MAGI1: variants seen among roughly 807,000 people sequenced by gnomAD.
The protein encoded by MAGI1 is membrane-associated guanylate kinase, WW and PDZ domain-containing protein 1.
Under a neutral mutation model 139.9 loss-of-function variants are expected in MAGI1, and 58 were observed. The ratio of observed to expected loss-of-function variants is 0.41; its 90% CI spans 0.34 to 0.52. The LOEUF (loss-of-function observed/expected upper bound fraction) is 0.52, where lower values mean the gene tolerates loss of function less well. MAGI1 is among the 20% of genes least tolerant of loss of function. The pLI is 0.12. For synonymous variants in MAGI1, 812 were observed against 737.9 expected (o/e 1.10, Z -1.63); for missense variants, 1,874 against 1,901.6 (o/e 0.99, Z 0.27).
At chr3:65,570,073 C>CATTATTATTATT (rs57902043) in intron 2 of MAGI1, among the ~76,000 whole-genome samples, 2 of 136,364 alleles carry the variant, frequency 1.5e-5, no homozygotes, top group Non-Finnish European at 1.6e-5. Context: ...TCTTTATTAT[C>CATTATTATTATT]ATTATTATTA....
intron 5 of MAGI1, among the ~76,000 whole-genome samples, chr3:65,462,159 T>C (rs900726452): frequency 3.9e-5 from 6 of 152,192 alleles, no homozygotes; most frequent in Non-Finnish European, 1.5e-5. Context: ...TTTGTTGCCA[T>C]TGCTTTTGGT....
At chr3:65,941,983 C>T (rs994152779) in intron 1 of MAGI1, among the ~76,000 whole-genome samples, 3 of 152,094 alleles carry the variant, frequency 2.0e-5, no homozygotes, top group Admixed American at 2.0e-4. Flanking sequence ...ACAGGGGTTT[C>T]GCCGTGTTGC....
At chr3:65,750,191 C>A (rs2036030397) in intron 1 of MAGI1, among the ~76,000 whole-genome samples, 1 of 152,074 alleles carries the variant, frequency 6.6e-6, no homozygotes, top group African/African-American at 2.4e-5. Flanking sequence ...GTTTGGGACC[C>A]CAAAGCAACC....
intron 1 of MAGI1, among the ~76,000 whole-genome samples, chr3:65,655,653 C>T (rs1052741354): frequency 1.3e-5 from 2 of 152,150 alleles, no homozygotes; most frequent in South Asian, 2.1e-4. Flanking sequence ...CAGTCCTCAC[C>T]ACTCTTTGAT....
intron 1 of MAGI1, among the ~76,000 whole-genome samples, chr3:65,998,036 G>A (rs2066546521): frequency 6.6e-6 from 1 of 151,124 alleles, no homozygotes; most frequent in Admixed American, 6.6e-5. Flanking sequence ...CCGGGAGGCA[G>A]AGGTTGCAGT....
chr3:65,660,926 C>G, intron 1 of MAGI1, among the ~76,000 whole-genome samples: 1 of 152,096 alleles, frequency 6.6e-6, no homozygotes, highest in East Asian at 1.9e-4. Flanking sequence ...GCATCACGTT[C>G]AAGCAAAAAT....
rs1051718457 is a variant in MAGI1, at chr3:65,401,610, C to T, written c.2168-140G>A. The stretch of plus-strand genomic sequence containing the variant: ...GTTATGTCAGATTTCTCCCCAGCAT[C>T]GGAGTTACCAGGCTGTTCATATCGA... On this transcript the variant is annotated intron_variant, in intron 12 of 22. Transcript: ENST00000402939. 9.7e-6 allele frequency: 15 copies of T among 1,550,658 alleles called. No individual in the cohort carries two copies. The Admixed American group carries it at 2.4e-4, about 24-fold the overall frequency.
chr3:66,010,074 T>C (rs2067241642), intron 1 of MAGI1, among the ~76,000 whole-genome samples: 1 of 51,538 alleles, frequency 1.9e-5, no homozygotes, highest in Non-Finnish European at 3.6e-5. Flanking sequence ...ATACTCTCTG[T>C]CTCAAAAAAA....
intron 12 of MAGI1, among the ~76,000 whole-genome samples, chr3:65,428,154 T>G (rs1277033991): frequency 6.6e-6 from 1 of 152,164 alleles, no homozygotes; most frequent in Non-Finnish European, 1.5e-5. Flanking sequence ...ATCTGGCTGC[T>G]GTGACACAAA....
chr3:65,566,802 ACT>A (rs994752901), intron 2 of MAGI1, among the ~76,000 whole-genome samples: 2 of 151,548 alleles, frequency 1.3e-5, no homozygotes, highest in African/African-American at 4.8e-5. Context: ...GGCCCAGGAC[ACT>A]CATAATTTTT....
chr3:65,801,663 T>C (rs2040522855), intron 1 of MAGI1, among the ~76,000 whole-genome samples: 1 of 152,214 alleles, frequency 6.6e-6, no homozygotes, highest in African/African-American at 2.4e-5. Flanking sequence ...CTCTCAACTC[T>C]TTAAAAAATG....
chr3:65,878,034 C>T lies in MAGI1; in HGVS notation c.313+159962G>A, dbSNP rs896021703. On this transcript the variant is annotated intron_variant, in intron 1 of 22. Transcript: ENST00000402939. ...GCTTAGGCAGGAGGATCACCTGTGC[C>T]GAGGAGTTGGAAACTGCAGTAAGTC... Among the ~76,000 whole-genome samples, 10 of 151,792 alleles carry T rather than the reference C, an allele frequency of 6.6e-5. No individual in the cohort carries two copies. In the South Asian group the frequency reaches 1.3e-3, roughly 19 times the overall value.
At chr3:65,378,941 C>T (rs919725893) in intron 17 of MAGI1, among the ~76,000 whole-genome samples, 5 of 152,188 alleles carry the variant, frequency 3.3e-5, no homozygotes, top group Non-Finnish European at 7.3e-5. Context: ...CTCGGCCTCC[C>T]AAAGTGCTGG....
At chr3:65,597,291 G>A (rs915194255) in intron 2 of MAGI1, among the ~76,000 whole-genome samples, 1 of 114,470 alleles carries the variant, frequency 8.7e-6, no homozygotes, top group Non-Finnish European at 1.7e-5. Flanking sequence ...ATTCAGCCGA[G>A]CCCCTCGCTC....
At chr3:65,470,787 C>A (rs961045047) in intron 4 of MAGI1, among the ~76,000 whole-genome samples, 1 of 152,158 alleles carries the variant, frequency 6.6e-6, no homozygotes, top group African/African-American at 2.4e-5. Context: ...CAATTCATGA[C>A]TCAAACTCTT....
intron 1 of MAGI1, among the ~76,000 whole-genome samples, chr3:65,933,522 C>T (rs962917030): frequency 3.9e-5 from 6 of 152,192 alleles, no homozygotes; most frequent in South Asian, 4.1e-4. Context: ...AATTCTGTTA[C>T]GACCTAGCCT....
intron 2 of MAGI1, among the ~76,000 whole-genome samples, chr3:65,611,167 C>A (rs1410431208): frequency 1.4e-5 from 2 of 139,290 alleles, no homozygotes; most frequent in Non-Finnish European, 3.1e-5. Context: ...AGTATTCCAT[C>A]TATGCTGTAT....
chr3:65,948,416 T>C (rs902876518), intron 1 of MAGI1, among the ~76,000 whole-genome samples: 1 of 152,176 alleles, frequency 6.6e-6, no homozygotes, highest in Non-Finnish European at 1.5e-5. Flanking sequence ...TTTATTGCAA[T>C]AGCCTAAATA....
chr3:65,375,547 G>C (rs1942434479), intron 18 of MAGI1, among the ~76,000 whole-genome samples, 198 bp downstream of exon 18: 1 of 152,112 alleles, frequency 6.6e-6, no homozygotes, highest in Non-Finnish European at 1.5e-5. Context: ...TTACACAAGA[G>C]GGTGAGGTAT....
Sources: allele counts gnomAD v4.1 joint callset (sites outside exome capture counted in the v4.1 genomes callset), GRCh38; gene constraint gnomAD v4.1.1; transcripts MANE v1.5; gene names NCBI Gene and HGNC (gene_info 2026-07-23, HGNC 2026-07-21).